Variants in SPECC1L observed in about 807,000 individuals in gnomAD.
SPECC1L encodes the protein sperm antigen with calponin homology and coiled-coil domains 1 like.
A neutral mutation model predicts 116.8 loss-of-function variants in SPECC1L; 40 were observed. That is an observed-to-expected ratio of 0.34 (90% confidence interval 0.27 to 0.45). The LOEUF (loss-of-function observed/expected upper bound fraction) is 0.45. Ranked by LOEUF, SPECC1L falls within the 20% of genes least tolerant of loss-of-function variation. SPECC1L has a pLI of 1.00. For missense variants in SPECC1L, 1,110 were observed against 1,373.6 expected (o/e 0.81, Z 3.03); for synonymous variants, 504 against 500.6 (o/e 1.01, Z -0.09).
In SPECC1L at chr22:24,328,804, T is replaced by G. The variant is rs1270112917; in HGVS notation, c.2147-42T>G. On this transcript the variant is annotated intron_variant, in intron 6 of 16. Coordinates refer to ENST00000314328, the MANE Select transcript of SPECC1L (RefSeq NM_015330.6). Reference sequence around the variant, plus strand: ...TTTCTTTGTATTATTACTCTGAAGATTGTTGTGAGAATAGATATTTAAACT... The same window carrying G: ...TTTCTTTGTATTATTACTCTGAAGAGTGTTGTGAGAATAGATATTTAAACT... 2.1e-6 allele frequency: 3 copies of G among 1,457,678 alleles called. No homozygotes were observed. The South Asian group carries it at 3.4e-5, about 17-fold the overall frequency. 90.3% of individuals were successfully genotyped at this position (1,457,678 alleles called of 1,614,324 possible). A position where few individuals can be genotyped will look rare whatever the true frequency, so the allele number is the denominator to read the frequency against.
intron 14 of SPECC1L, among the ~76,000 whole-genome samples, chr22:24,400,269 A>G (rs887350005): frequency 1.3e-5 from 2 of 152,214 alleles, no homozygotes; most frequent in African/African-American, 4.8e-5. Context: ...CCACTCGTCT[A>G]CTTTCTGTCT....
At chr22:24,285,628 GT>G (rs149025300) in intron 2 of SPECC1L, among the ~76,000 whole-genome samples, 21 of 146,978 alleles carry the variant, frequency 1.4e-4, no homozygotes, top group South Asian at 2.2e-4. Context: ...CAATACTGCT[GT>G]TTTTTTTTTT....
chr22:24,300,346 A>G (rs1156748860), intron 2 of SPECC1L, among the ~76,000 whole-genome samples: 3 of 152,126 alleles, frequency 2.0e-5, no homozygotes, highest in African/African-American at 7.2e-5. Flanking sequence ...TCCATGGTGT[A>G]TATGTACCAC....
chr22:24,366,738 A>C (rs766870130), intron 13 of SPECC1L, among the ~76,000 whole-genome samples: 3 of 152,200 alleles, frequency 2.0e-5, no homozygotes, highest in Admixed American at 1.3e-4. Context: ...GTGGTGCTAC[A>C]TTAATAATTG....
chr22:24,344,756 C>T (rs1441265377), intron 10 of SPECC1L, among the ~76,000 whole-genome samples: 1 of 152,106 alleles, frequency 6.6e-6, no homozygotes, highest in Non-Finnish European at 1.5e-5. Context: ...AGGTCCTATA[C>T]AAAAGTTATT....
chr22:24,371,807 C>T (rs2041876471), intron 14 of SPECC1L, among the ~76,000 whole-genome samples: 4 of 152,134 alleles, frequency 2.6e-5, no homozygotes, highest in African/African-American at 4.8e-5. Flanking sequence ...CGGCAGGCTC[C>T]GGCTCCCGGG....
chr22:24,330,750 T>A (rs2298380), intron 8 of SPECC1L, among the ~76,000 whole-genome samples: 1 of 151,902 alleles, frequency 6.6e-6, no homozygotes, highest in African/African-American at 2.4e-5. Context: ...TCATGATTAA[T>A]GATGTGGACT....
chr22:24,347,294 C>G (rs2146564359), intron 11 of SPECC1L, 118 bp downstream of exon 11: 2 of 765,676 alleles, frequency 2.6e-6, no homozygotes, highest in Admixed American at 2.0e-5. Flanking sequence ...TCTGGTATAC[C>G]TTTGTATCAG....
intron 3 of SPECC1L, among the ~76,000 whole-genome samples, chr22:24,311,827 AAG>A (rs2040466898): frequency 1.3e-5 from 2 of 150,752 alleles, no homozygotes; most frequent in African/African-American, 2.5e-5. Context: ...AAAAAAAAAA[AAG>A]AATATGAACA....
chr22:24,374,821 G>T (rs935845603), intron 14 of SPECC1L, among the ~76,000 whole-genome samples: 1 of 149,924 alleles, frequency 6.7e-6, no homozygotes, highest in Non-Finnish European at 1.5e-5. Flanking sequence ...CCCAAAATAA[G>T]CAGAAGGAAG....
At chr22:24,333,692 G>A (rs1421968017) in intron 8 of SPECC1L, among the ~76,000 whole-genome samples, 1 of 151,576 alleles carries the variant, frequency 6.6e-6, no homozygotes, top group Non-Finnish European at 1.5e-5. Flanking sequence ...TATTATACCA[G>A]TATAAATTAA....
At chr22:24,407,406 AG>A (rs2042612597) in intron 14 of SPECC1L, among the ~76,000 whole-genome samples, 1 of 151,956 alleles carries the variant, frequency 6.6e-6, no homozygotes, top group South Asian at 2.1e-4. Context: ...GAGGAAGCGG[AG>A]GGGGAAGGCT....
chr22:24,390,878 T>TCTTTTCTTTC (rs1601333804), intron 14 of SPECC1L, among the ~76,000 whole-genome samples: 1 of 91,218 alleles, frequency 1.1e-5, no homozygotes, highest in South Asian at 4.5e-4. Context: ...TTTTCTTTTT[T>TCTTTTCTTTC]TTTTTTTTTT....
intron 8 of SPECC1L, 100 bp downstream of exon 8, chr22:24,330,531 C>G: frequency 7.5e-7 from 1 of 1,325,150 alleles, no homozygotes. Context: ...GAGTTTGATA[C>G]TTACTGAGTT....
At chr22:24,370,935 AAG>A (rs1410939508) in intron 14 of SPECC1L, among the ~76,000 whole-genome samples, 2 of 151,996 alleles carry the variant, frequency 1.3e-5, no homozygotes, top group African/African-American at 4.8e-5. Flanking sequence ...GGAAAAAAGA[AAG>A]GGGGTGGGTA....
intron 4 of SPECC1L, among the ~76,000 whole-genome samples, chr22:24,317,426 GCCGGGCGGGGGGCTGACCCCCCAACCTC>G (rs1444228099): frequency 1.6e-5 from 2 of 126,612 alleles, no homozygotes; most frequent in Non-Finnish European, 3.6e-5. Context: ...TGGGGCGCTG[GCCGGGCGGGGGGCTGACCCCCCAACCTC>G]CCGGACGGGG....
rs1402027388 is a variant in SPECC1L at position 24,321,732 on chromosome 22, C to G, written c.752C>G (p.Thr251Ser). The change falls in exon 5 of 17, where the codon ACT becomes AGT. Residue 251 changes from threonine to serine, a missense_variant. Around this residue, in one of 4 missense-constraint regions of SPECC1L, gnomAD observed 437 missense variants for 482.6 expected, o/e 0.91. Transcript: ENST00000314328. ...STLLQLQEQN[T>S]AIREELNQLK... Reference sequence around the variant, plus strand: ...TTATTGCAGTTGCAGGAACAGAATACTGCCATCCGTGAAGAACTCAACCAG... The same window carrying G: ...TTATTGCAGTTGCAGGAACAGAATAGTGCCATCCGTGAAGAACTCAACCAG... 1.2e-6 allele frequency: 2 copies of G among 1,614,232 alleles called. No homozygotes were observed. Among genetic ancestry groups the G allele is most frequent in the Middle Eastern group, 1.6e-4 (1 of 6,062 alleles).
In SPECC1L at chr22:24,414,638, G is replaced by A; in HGVS notation, c.*15G>A. ...TTGAGACCTGAGCATGCCGGGAGGA[G>A]CCGCCCCAATAGCGGGGGTACCCCT... On this transcript the variant is annotated 3_prime_UTR_variant, in exon 17 of 17. Transcript: ENST00000314328. 1 of 1,612,402 alleles carries A rather than the reference G, an allele frequency of 6.2e-7. No individual in the cohort carries two copies. Among genetic ancestry groups the A allele is most frequent in the Non-Finnish European group, 8.5e-7 (1 of 1,178,934 alleles).
intron 14 of SPECC1L, among the ~76,000 whole-genome samples, chr22:24,376,324 C>T (rs1802715985): frequency 2.6e-5 from 4 of 152,044 alleles, no homozygotes; most frequent in Admixed American, 2.0e-4. Flanking sequence ...TCACATCCAG[C>T]TTATATCTAG....
Sources: allele counts gnomAD v4.1 joint callset (sites outside exome capture counted in the v4.1 genomes callset), GRCh38; gene constraint gnomAD v4.1.1; regional missense constraint gnomAD v4.1.1; transcripts MANE v1.5; gene names NCBI Gene and HGNC (gene_info 2026-07-23, HGNC 2026-07-21).